Variants in AXDND1 observed in about 807,000 individuals in gnomAD.
The protein encoded by AXDND1 is axonemal dynein light chain domain-containing protein 1.
A neutral mutation model predicts 137.5 loss-of-function variants in AXDND1; 110 were observed. The ratio of observed to expected loss-of-function variants is 0.80; its 90% CI spans 0.69 to 0.94. The LOEUF (loss-of-function observed/expected upper bound fraction) is 0.94. Among genes scored for constraint, AXDND1 ranks in the 40% least tolerant of loss-of-function variants. The probability of loss-of-function intolerance (pLI) is 0.00; values close to 1 mark genes in which losing one functional copy is unlikely to be tolerated. For missense variants in AXDND1, 1,191 were observed against 1,169.8 expected (o/e 1.02, Z -0.26); for synonymous variants, 414 against 399.7 (o/e 1.04, Z -0.43).
chr1:179,509,909 C>T (rs1024788743), intron 21 of AXDND1, among the ~76,000 whole-genome samples: 2 of 152,178 alleles, frequency 1.3e-5, no homozygotes, highest in Admixed American at 6.5e-5. Flanking sequence ...CTCTCTGCTA[C>T]TTCTTTCTCT....
chr1:179,484,755 T>C (rs1173743529), intron 18 of AXDND1, among the ~76,000 whole-genome samples: 1 of 152,184 alleles, frequency 6.6e-6, no homozygotes, highest in African/African-American at 2.4e-5. Context: ...AGTGCACATG[T>C]GCACATGCAC....
At chr1:179,446,101 C>A (rs1659694613) in intron 16 of AXDND1, among the ~76,000 whole-genome samples, 1 of 152,092 alleles carries the variant, frequency 6.6e-6, no homozygotes, top group Non-Finnish European at 1.5e-5. Context: ...TGATGTCAAG[C>A]ATTTTTTAAA....
intron 20 of AXDND1, among the ~76,000 whole-genome samples, chr1:179,501,637 G>A (rs945011863): frequency 7.9e-5 from 12 of 152,076 alleles, no homozygotes; most frequent in Non-Finnish European, 1.8e-4. Flanking sequence ...GCTTGAACCG[G>A]GAAGGCGGAG....
At chr1:179,368,546 A>C (rs764558171) in intron 2 of AXDND1, among the ~76,000 whole-genome samples, 4 of 152,210 alleles carry the variant, frequency 2.6e-5, no homozygotes, top group Non-Finnish European at 4.4e-5. Context: ...ATTGAGAATC[A>C]TGCAGGTTCA....
intron 25 of AXDND1, among the ~76,000 whole-genome samples, chr1:179,537,696 T>C (rs995059386): frequency 2.6e-5 from 4 of 152,220 alleles, no homozygotes; most frequent in Non-Finnish European, 4.4e-5. Context: ...ATCAGGATGA[T>C]GCTGGCCTCA....
intron 23 of AXDND1, chr1:179,533,022 T>C (rs1469427780): frequency 6.6e-6 from 1 of 152,160 alleles, no homozygotes; most frequent in Non-Finnish European, 1.5e-5. Context: ...GAGGCTTAGA[T>C]GCAGGCTTGC....
At chr1:179,462,076 C>T in intron 16 of AXDND1, among the ~76,000 whole-genome samples, 1 of 152,118 alleles carries the variant, frequency 6.6e-6, no homozygotes, top group Non-Finnish European at 1.5e-5. Flanking sequence ...TAATTTCCAA[C>T]ATTATGTTGA....
intron 16 of AXDND1, among the ~76,000 whole-genome samples, chr1:179,447,322 T>C (rs1184598791): frequency 6.6e-6 from 1 of 152,246 alleles, no homozygotes; most frequent in Non-Finnish European, 1.5e-5. Context: ...TATCTATCTT[T>C]CCATGCCTGG....
chr1:179,436,140 T>G (rs981800743), intron 15 of AXDND1, among the ~76,000 whole-genome samples: 1 of 152,094 alleles, frequency 6.6e-6, no homozygotes, highest in Non-Finnish European at 1.5e-5. Context: ...AAAACCACAA[T>G]GAGATACATC....
intron 22 of AXDND1, among the ~76,000 whole-genome samples, chr1:179,527,117 T>A (rs1670603558): frequency 6.6e-6 from 1 of 152,182 alleles, no homozygotes; most frequent in Non-Finnish European, 1.5e-5. Context: ...CAGAGTAGCC[T>A]TAAGGGCTGC....
chr1:179,520,929 AATC>A (rs1315588086), intron 21 of AXDND1, among the ~76,000 whole-genome samples: 1 of 135,840 alleles, frequency 7.4e-6, no homozygotes, highest in Non-Finnish European at 1.6e-5. Flanking sequence ...ATATATATAT[AATC>A]AATTTCTGTA....
chr1:179,497,087 A>G (rs1034222444), intron 20 of AXDND1, among the ~76,000 whole-genome samples: 1 of 152,116 alleles, frequency 6.6e-6, no homozygotes, highest in South Asian at 2.1e-4. Context: ...TTTCCAATGT[A>G]TTGAGACTTG....
At chr1:179,430,770 C>T (rs921948232) in intron 14 of AXDND1, among the ~76,000 whole-genome samples, 164 bp downstream of exon 14, 2 of 152,164 alleles carry the variant, frequency 1.3e-5, no homozygotes, top group African/African-American at 4.8e-5. Flanking sequence ...TTGAATAGTC[C>T]TGTGGTTTCT....
intron 6 of AXDND1, 114 bp downstream of exon 6, chr1:179,379,596 C>G: frequency 1.5e-6 from 2 of 1,316,350 alleles, no homozygotes; most frequent in Non-Finnish European, 2.0e-6. Flanking sequence ...GAGTTCAAGA[C>G]CAGCCTGGTC....
chr1:179,485,542 C>T (rs1165653343), intron 18 of AXDND1, among the ~76,000 whole-genome samples: 1 of 152,248 alleles, frequency 6.6e-6, no homozygotes, highest in East Asian at 1.9e-4. Flanking sequence ...AAAATGCATT[C>T]TAAGGACAGC....
chr1:179,421,964 C>T (rs111384059), intron 12 of AXDND1, among the ~76,000 whole-genome samples: 2 of 149,918 alleles, frequency 1.3e-5, no homozygotes, highest in Admixed American at 6.7e-5. Flanking sequence ...CTCTTGAATC[C>T]GGGAGGCAGA....
intron 8 of AXDND1, 61 bp downstream of exon 8, chr1:179,383,605 C>G (rs1051787357): frequency 7.7e-7 from 1 of 1,304,438 alleles, no homozygotes; most frequent in Non-Finnish European, 1.1e-6. Context: ...GGCAGATTGC[C>G]TAGGTTAGAA....
Position 179,393,708 on chromosome 1 carries a change from A to G in AXDND1, c.864-195A>G, listed in dbSNP as rs181154691. 5.3e-3 allele frequency among the ~76,000 whole-genome samples: 811 copies of G among 151,922 alleles called. 8 individuals carry two copies. Among genetic ancestry groups the G allele is most frequent in the African/African-American group, 0.019 (771 of 41,406 alleles). On this transcript the variant is annotated intron_variant, in intron 9 of 25. Coordinates refer to ENST00000367618, the MANE Select transcript of AXDND1 (RefSeq NM_144696.6). ...CGTCTCCTTGGTTAAGTATATTCCT[A>G]AGTATTTTCTTTTCTTTTTCTTTTT...
chr1:179,477,941 T>C (rs1313509019), intron 17 of AXDND1, among the ~76,000 whole-genome samples: 2 of 152,186 alleles, frequency 1.3e-5, no homozygotes, highest in Non-Finnish European at 2.9e-5. Context: ...ACAAAAGGGC[T>C]ACTGGCTCCA....
Sources: gnomAD v4.1 joint callset for allele counts (sites outside exome capture counted in the v4.1 genomes callset) on GRCh38, gnomAD v4.1.1 for gene constraint, MANE v1.5 for transcripts, NCBI Gene and HGNC (gene_info 2026-07-23, HGNC 2026-07-21) for gene names.